Variants in SPAG16 observed in about 807,000 individuals in gnomAD.
The protein encoded by SPAG16 is sperm-associated antigen 16 protein.
A neutral mutation model predicts 80.4 loss-of-function variants in SPAG16; 86 were observed. The ratio of observed to expected loss-of-function variants is 1.07; its 90% confidence interval spans 0.90 to 1.28. The LOEUF is 1.28. Among genes scored for constraint, SPAG16 ranks in the 50% most tolerant of loss-of-function variants. The pLI, the probability that SPAG16 is intolerant of heterozygous loss-of-function variation, is 0.00. For missense variants in SPAG16, 870 were observed against 765.3 expected (o/e 1.14, Z -1.61); for synonymous variants, 294 against 265.9 (o/e 1.11, Z -1.03).
At chr2:213,302,464 C>A (rs1417409415) in intron 3 of SPAG16, 1 of 152,052 alleles carries the variant, frequency 6.6e-6, no homozygotes, top group Non-Finnish European at 1.5e-5. Context: ...GCTAAATGAA[C>A]CGTTCAGTTC....
intron 10 of SPAG16, among the ~76,000 whole-genome samples, chr2:213,798,279 G>T (rs2071170176): frequency 6.6e-6 from 1 of 152,002 alleles, no homozygotes; most frequent in Non-Finnish European, 1.5e-5. Context: ...GTTTTGAGAT[G>T]AAGTCTCACT....
chr2:213,297,781 T>C (rs906175713), intron 3 of SPAG16, among the ~76,000 whole-genome samples: 3 of 152,190 alleles, frequency 2.0e-5, no homozygotes, highest in Non-Finnish European at 2.9e-5. Flanking sequence ...TATGAACTAA[T>C]TATGTTAAGG....
At chr2:213,947,062 T>A (rs781492806) in intron 12 of SPAG16, among the ~76,000 whole-genome samples, 19 of 152,158 alleles carry the variant, frequency 1.2e-4, no homozygotes, top group Admixed American at 3.3e-4. Flanking sequence ...TAATAGTCTA[T>A]TGTATATAAA....
At chr2:213,654,737 A>T (rs571816462) in intron 10 of SPAG16, among the ~76,000 whole-genome samples, 2 of 151,976 alleles carry the variant, frequency 1.3e-5, no homozygotes, top group African/African-American at 2.4e-5. Context: ...ATAAAGAAGA[A>T]GTTTCAATGT....
At chr2:213,784,800 A>AT (rs1000810408) in intron 10 of SPAG16, among the ~76,000 whole-genome samples, 58 of 148,978 alleles carry the variant, frequency 3.9e-4, no homozygotes, top group Admixed American at 1.0e-3. Flanking sequence ...CAAGTTTATT[A>AT]TTTTTTTTTT....
At chr2:213,362,310 T>C (rs73990312) in intron 7 of SPAG16, among the ~76,000 whole-genome samples, 2,021 of 152,306 alleles carry the variant, frequency 0.013, 43 homozygotes, top group African/African-American at 0.045. Context: ...AGTAAGGACA[T>C]GTGAGAGAGT....
intron 5 of SPAG16, among the ~76,000 whole-genome samples, chr2:213,336,672 TG>T (rs1306887501): frequency 6.6e-6 from 1 of 152,158 alleles, no homozygotes; most frequent in East Asian, 1.9e-4. Context: ...TTTTTCTCAC[TG>T]GGTGAGGCCT....
intron 15 of SPAG16, among the ~76,000 whole-genome samples, chr2:214,203,166 TATATC>T (rs1403083741): frequency 6.6e-6 from 1 of 152,188 alleles, no homozygotes; most frequent in Non-Finnish European, 1.5e-5. Context: ...TAAAGATAAT[TATATC>T]ATGATAAATA....
intron 10 of SPAG16, among the ~76,000 whole-genome samples, chr2:213,662,397 G>T (rs1168115909): frequency 2.6e-5 from 4 of 152,098 alleles, no homozygotes; most frequent in Admixed American, 2.6e-4. Context: ...AAAACGAAAG[G>T]CAATAGGGAA....
intron 9 of SPAG16, among the ~76,000 whole-genome samples, chr2:213,398,334 A>G (rs753146660): frequency 2.0e-5 from 3 of 152,154 alleles, no homozygotes; most frequent in Non-Finnish European, 4.4e-5. Flanking sequence ...AAAATTTTCC[A>G]GTAACCTCCC....
intron 12 of SPAG16, among the ~76,000 whole-genome samples, chr2:214,012,718 A>G (rs1295952413): frequency 1.3e-5 from 2 of 152,194 alleles, no homozygotes; most frequent in African/African-American, 4.8e-5. Flanking sequence ...AAGTTATTTA[A>G]GAGCAATCAG....
chr2:213,688,993 T>C (rs1450112781), intron 10 of SPAG16, among the ~76,000 whole-genome samples: 1 of 152,192 alleles, frequency 6.6e-6, no homozygotes, highest in Non-Finnish European at 1.5e-5. Flanking sequence ...AGAGTCTCAC[T>C]CTGTTGCCCA....
chr2:213,861,170 G>A (rs2105945660), intron 10 of SPAG16, among the ~76,000 whole-genome samples: 1 of 152,290 alleles, frequency 6.6e-6, no homozygotes. Flanking sequence ...AGAAGGCCAT[G>A]CCCATAGTGG....
chr2:214,364,516 A>G (rs559061105), intron 15 of SPAG16, among the ~76,000 whole-genome samples: 1 of 152,140 alleles, frequency 6.6e-6, no homozygotes, highest in African/African-American at 2.4e-5. Context: ...TCTTAAGGAC[A>G]GTCATCAGAG....
At chr2:213,728,876 CA>C (rs58070679) in intron 10 of SPAG16, among the ~76,000 whole-genome samples, 1 of 58,454 alleles carries the variant, frequency 1.7e-5, no homozygotes, top group Non-Finnish European at 2.9e-5. Flanking sequence ...GACTCCGTCT[CA>C]AAAAAAAAAA....
chr2:213,371,833 CAAT>C (rs2066654442), intron 8 of SPAG16, among the ~76,000 whole-genome samples: 1 of 152,048 alleles, frequency 6.6e-6, no homozygotes, highest in South Asian at 2.1e-4. Flanking sequence ...AAAATTCAGA[CAAT>C]GATAAAATAT....
chr2:214,090,210 A>G (rs2052081805), intron 13 of SPAG16, among the ~76,000 whole-genome samples: 2 of 152,078 alleles, frequency 1.3e-5, no homozygotes, highest in African/African-American at 4.8e-5. Flanking sequence ...GTGGAAGAGG[A>G]AGATAAAGAT....
chr2:213,952,527 G>A (rs868250509), intron 12 of SPAG16, among the ~76,000 whole-genome samples: 3 of 152,046 alleles, frequency 2.0e-5, no homozygotes, highest in African/African-American at 7.2e-5. Flanking sequence ...ATCTTCACAT[G>A]CAAAATTAAA....
chr2:213,980,133 C>T (rs752742178), intron 12 of SPAG16, among the ~76,000 whole-genome samples: 15 of 150,304 alleles, frequency 1.0e-4, no homozygotes, highest in African/African-American at 2.2e-4. Context: ...GGGTAGATCA[C>T]GAGGTCAAGA....
Sources: allele counts gnomAD v4.1 joint callset (sites outside exome capture counted in the v4.1 genomes callset), GRCh38; gene constraint gnomAD v4.1.1; transcripts MANE v1.5; gene names NCBI Gene and HGNC (gene_info 2026-07-23, HGNC 2026-07-21).